Variants in FRMD4A observed in about 807,000 individuals in gnomAD.
FRMD4A encodes the protein FERM domain-containing protein 4A.
FRMD4A carries 29 observed loss-of-function variants against 129.1 expected under a neutral mutation model. The ratio of observed to expected loss-of-function variants is 0.22; its 90% CI spans 0.17 to 0.31. The LOEUF (loss-of-function observed/expected upper bound fraction) is 0.31, where lower values mean the gene tolerates loss of function less well. Among genes scored for constraint, FRMD4A ranks in the 10% least tolerant of loss-of-function variants. The pLI is 1.00. For missense variants in FRMD4A, 1,272 were observed against 1,375.8 expected (o/e 0.92, Z 1.19); for synonymous variants, 634 against 571.6 (o/e 1.11, Z -1.56).
At chr10:13,781,928 C>T (rs1213966250) in intron 6 of FRMD4A, among the ~76,000 whole-genome samples, 2 of 152,048 alleles carry the variant, frequency 1.3e-5, no homozygotes, top group Non-Finnish European at 2.9e-5. Flanking sequence ...TGTGAGTGTA[C>T]TGAATGCCGC....
chr10:13,945,217 A>G (rs1414734487), intron 2 of FRMD4A, among the ~76,000 whole-genome samples: 2 of 152,224 alleles, frequency 1.3e-5, no homozygotes, highest in East Asian at 3.8e-4. Flanking sequence ...GTATGACAAA[A>G]ACAACCAAGT....
At chr10:13,797,393 A>C (rs1758546699) in intron 4 of FRMD4A, among the ~76,000 whole-genome samples, 1 of 152,036 alleles carries the variant, frequency 6.6e-6, no homozygotes, top group African/African-American at 2.4e-5. Flanking sequence ...AGCACTTTGG[A>C]AGGCTGAGGC....
At chr10:14,035,153 C>T (rs1298089913) in intron 2 of FRMD4A, among the ~76,000 whole-genome samples, 2 of 152,150 alleles carry the variant, frequency 1.3e-5, no homozygotes, top group African/African-American at 4.8e-5. Context: ...TGGCTCACAC[C>T]TATAATCCCA....
At chr10:13,783,972 G>A (rs989009595) in intron 5 of FRMD4A, among the ~76,000 whole-genome samples, 2 of 152,192 alleles carry the variant, frequency 1.3e-5, no homozygotes, top group Non-Finnish European at 2.9e-5. Flanking sequence ...CGCTTGTACT[G>A]TCTAATGACC....
Position 14,015,978 on chromosome 10 carries a change from T to C in FRMD4A, c.46-157066A>G, listed in dbSNP as rs575716137. Among the ~76,000 whole-genome samples, 4 of 152,374 alleles carry C rather than the reference T, an allele frequency of 2.6e-5. No homozygotes were observed. The South Asian group carries it at 8.3e-4, about 32-fold the overall frequency. On this transcript the variant is annotated intron_variant, in intron 2 of 24. Transcript: ENST00000357447. ...TGACCGCCTCCCTCTTCTGTGTCAC[T>C]ACAACGGATCAAGTGCTGAGCCAAG...
intron 2 of FRMD4A, among the ~76,000 whole-genome samples, chr10:14,098,598 C>A (rs897689396): frequency 6.6e-6 from 1 of 151,984 alleles, no homozygotes; most frequent in Non-Finnish European, 1.5e-5. Flanking sequence ...TTAGTAGAGA[C>A]GTGGTTTCAG....
intron 2 of FRMD4A, among the ~76,000 whole-genome samples, chr10:14,123,583 T>A (rs1838658970): frequency 6.6e-6 from 1 of 152,208 alleles, no homozygotes; most frequent in Admixed American, 6.5e-5. Context: ...TTTCTGGTAG[T>A]GAAGGGGCCC....
At chr10:14,002,880 T>TG (rs1242912709) in intron 2 of FRMD4A, among the ~76,000 whole-genome samples, 1 of 152,098 alleles carries the variant, frequency 6.6e-6, no homozygotes, top group African/African-American at 2.4e-5. Context: ...GCAAAGTTCC[T>TG]GGGGCAAGAG....
intron 2 of FRMD4A, among the ~76,000 whole-genome samples, chr10:14,126,642 G>C (rs1411196534): frequency 1.3e-5 from 2 of 152,160 alleles, no homozygotes; most frequent in Non-Finnish European, 2.9e-5. Flanking sequence ...CCTTTAGTTA[G>C]CTTGGGTAAC....
intron 2 of FRMD4A, among the ~76,000 whole-genome samples, chr10:14,216,224 C>A (rs1241806792): frequency 6.6e-6 from 1 of 152,206 alleles, no homozygotes; most frequent in African/African-American, 2.4e-5. Context: ...ATTAAACTGA[C>A]TTCCAACCTA....
At chr10:13,682,045 C>A (rs918566441) in intron 15 of FRMD4A, among the ~76,000 whole-genome samples, 1 of 148,562 alleles carries the variant, frequency 6.7e-6, no homozygotes, top group African/African-American at 2.5e-5. Flanking sequence ...CATAGCCAGA[C>A]CTTGTCTCTA....
chr10:14,119,193 G>A (rs375388412), intron 2 of FRMD4A, among the ~76,000 whole-genome samples: 21 of 152,222 alleles, frequency 1.4e-4, no homozygotes, highest in Middle Eastern at 3.4e-3. Context: ...ACTCATTTCC[G>A]TCCCTGCTGG....
chr10:14,107,262 C>G (rs924357705), intron 2 of FRMD4A, among the ~76,000 whole-genome samples: 2 of 152,126 alleles, frequency 1.3e-5, no homozygotes, highest in African/African-American at 4.8e-5. Flanking sequence ...TGCTCACTAT[C>G]TGGCTGACAG....
intron 2 of FRMD4A, among the ~76,000 whole-genome samples, chr10:13,981,514 G>A (rs898152777): frequency 6.6e-6 from 1 of 152,112 alleles, no homozygotes; most frequent in Admixed American, 6.5e-5. Context: ...GCCGAGGCAG[G>A]CGGATCATGA....
chr10:14,266,099 C>T (rs1025389823), intron 2 of FRMD4A, among the ~76,000 whole-genome samples: 3 of 145,570 alleles, frequency 2.1e-5, no homozygotes, highest in Non-Finnish European at 4.5e-5. Context: ...GTGTGGGTTT[C>T]GAGCAGCTTT....
chr10:13,909,406 A>G (rs1665383256), intron 2 of FRMD4A, among the ~76,000 whole-genome samples: 1 of 152,244 alleles, frequency 6.6e-6, no homozygotes, highest in Non-Finnish European at 1.5e-5. Context: ...TCAGTAACGT[A>G]TAAAAGTTCC....
chr10:14,065,153 C>T (rs981894414), intron 2 of FRMD4A, among the ~76,000 whole-genome samples: 4 of 152,036 alleles, frequency 2.6e-5, no homozygotes, highest in Non-Finnish European at 5.9e-5. Flanking sequence ...TAGAGAATAG[C>T]CTCGCCTAAT....
intron 3 of FRMD4A, among the ~76,000 whole-genome samples, chr10:13,849,630 C>T (rs1376564680): frequency 6.6e-6 from 1 of 151,502 alleles, no homozygotes; most frequent in East Asian, 2.0e-4. Flanking sequence ...CAGGCATGCA[C>T]CACCATGCCC....
chr10:13,828,605 T>C (rs904055617), intron 3 of FRMD4A, among the ~76,000 whole-genome samples: 1 of 151,768 alleles, frequency 6.6e-6, no homozygotes, highest in African/African-American at 2.4e-5. Context: ...CCATCTTGGC[T>C]CACTGCAACC....
Sources: gnomAD v4.1 joint callset for allele counts (sites outside exome capture counted in the v4.1 genomes callset) on GRCh38, gnomAD v4.1.1 for gene constraint, MANE v1.5 for transcripts, NCBI Gene and HGNC (gene_info 2026-07-23, HGNC 2026-07-21) for gene names.